DCLK2: variants seen among roughly 807,000 people sequenced by gnomAD.
The protein encoded by DCLK2 is doublecortin like kinase 2, also known as serine/threonine-protein kinase DCLK2.
DCLK2 carries 31 observed loss-of-function variants against 78.4 expected under a neutral mutation model. That is an observed-to-expected ratio of 0.40 (90% confidence interval 0.30 to 0.53). The LOEUF is 0.53. DCLK2 is among the 20% of genes least tolerant of loss of function. DCLK2 has a pLI of 0.61. For missense variants in DCLK2, 872 were observed against 973.7 expected (o/e 0.90, Z 1.39); for synonymous variants, 407 against 374.9 (o/e 1.09, Z -0.99).
intron 2 of DCLK2, among the ~76,000 whole-genome samples, chr4:150,113,231 T>C (rs1317841041): frequency 6.6e-6 from 1 of 152,196 alleles, no homozygotes; most frequent in African/African-American, 2.4e-5. Flanking sequence ...TTTTCTAGTT[T>C]GGGTATCAGG....
chr4:150,090,527 A>T (rs1197831547), intron 1 of DCLK2, among the ~76,000 whole-genome samples: 1 of 102,978 alleles, frequency 9.7e-6, no homozygotes, highest in East Asian at 3.2e-4. Flanking sequence ...GAGCAAAAAA[A>T]CCAGATCACA....
chr4:150,124,128 CATTTA>C (rs1370495403), intron 2 of DCLK2, among the ~76,000 whole-genome samples: 2 of 152,054 alleles, frequency 1.3e-5, no homozygotes, highest in Non-Finnish European at 2.9e-5. Flanking sequence ...ATTTTTAGGA[CATTTA>C]ATTGTAGTGT....
intron 14 of DCLK2, 82 bp from the exon 15 acceptor site, chr4:150,249,486 G>A (rs553184189): frequency 3.7e-5 from 43 of 1,147,222 alleles, no homozygotes; most frequent in South Asian, 3.0e-4. Context: ...TGGTTGAGGC[G>A]GGGAGGGGGA....
At chr4:150,081,778 G>A (rs1361975986) in intron 1 of DCLK2, among the ~76,000 whole-genome samples, 1 of 150,856 alleles carries the variant, frequency 6.6e-6, no homozygotes, top group Non-Finnish European at 1.5e-5. Context: ...GATCACCTGA[G>A]GTCAGGAGTT....
chr4:150,216,043 A>G (rs552789404), intron 5 of DCLK2, among the ~76,000 whole-genome samples: 2 of 152,350 alleles, frequency 1.3e-5, no homozygotes, highest in Admixed American at 1.3e-4. Flanking sequence ...CAAGTCAACA[A>G]TAATATGCCA....
intron 1 of DCLK2, among the ~76,000 whole-genome samples, chr4:150,097,407 C>T (rs996923237): frequency 2.0e-5 from 3 of 152,114 alleles, no homozygotes; most frequent in Non-Finnish European, 4.4e-5. Context: ...AAATGATCTG[C>T]CCACCTTGGC....
At position 150,187,803 on chromosome 4, in the gene DCLK2, C is replaced by CTT. The variant is rs11415812; in HGVS notation, c.757-5321_757-5320dup. ...CGACATGTTTTGTTTCTCAGTTGTA[C>CTT]TTTTTTTTTTTTTTTGTGACAGAGT... On this transcript the variant is annotated intron_variant, in intron 2 of 15. Coordinates refer to ENST00000296550, the MANE Select transcript of DCLK2 (RefSeq NM_001040260.4). Among the ~76,000 whole-genome samples the CTT allele has an allele frequency of 5.3e-3, 728 of 137,552 alleles. 18 individuals are homozygous for CTT. The highest frequency in any genetic ancestry group is 0.043 in the East Asian group (197 of 4,618). The allele number at this position is 137,552 out of a possible 152,430, so 90.2% of individuals were successfully genotyped here.
At chr4:150,253,799 G>T in intron 15 of DCLK2, 1 of 985,468 alleles carries the variant, frequency 1.0e-6, no homozygotes, top group Non-Finnish European at 1.2e-6. Context: ...CACGGGAGGA[G>T]TCCCATAGTT....
chr4:150,085,179 A>AACTACTACATTCT (rs778654537), intron 1 of DCLK2, among the ~76,000 whole-genome samples: 1 of 152,166 alleles, frequency 6.6e-6, no homozygotes, highest in African/African-American at 2.4e-5. Flanking sequence ...CTGTGTTCTT[A>AACTACTACATTCT]ACTACTACAT....
intron 15 of DCLK2, among the ~76,000 whole-genome samples, chr4:150,252,448 A>G (rs569415927): frequency 5.3e-5 from 8 of 152,294 alleles, no homozygotes; most frequent in African/African-American, 1.4e-4. Context: ...GAAGGGAGTC[A>G]TTGCTGGGGT....
At chr4:150,083,228 G>A (rs984356740) in intron 1 of DCLK2, among the ~76,000 whole-genome samples, 3 of 152,190 alleles carry the variant, frequency 2.0e-5, no homozygotes, top group Non-Finnish European at 4.4e-5. Context: ...CTCTGATGAA[G>A]TGCTTGCCAA....
chr4:150,171,283 A>G (rs1736510903), intron 2 of DCLK2, among the ~76,000 whole-genome samples: 1 of 152,198 alleles, frequency 6.6e-6, no homozygotes, highest in African/African-American at 2.4e-5. Context: ...GATTGAGACC[A>G]TCCTGGCTAA....
intron 2 of DCLK2, among the ~76,000 whole-genome samples, chr4:150,104,285 G>A (rs115778517): frequency 0.015 from 2,275 of 151,090 alleles, 59 homozygotes; most frequent in African/African-American, 0.052. Context: ...CTACTTGGGA[G>A]GCTGAAGTGG....
At chr4:150,244,192 C>T (rs1158696968) in intron 12 of DCLK2, among the ~76,000 whole-genome samples, 2 of 152,176 alleles carry the variant, frequency 1.3e-5, no homozygotes, top group African/African-American at 4.8e-5. Context: ...ACTCCAGCCT[C>T]TCAAAGTGTT....
intron 5 of DCLK2, among the ~76,000 whole-genome samples, chr4:150,209,128 T>C (rs1253217142): frequency 2.0e-5 from 3 of 152,218 alleles, no homozygotes; most frequent in African/African-American, 7.2e-5. Flanking sequence ...ACCAAAAATT[T>C]GTAAAATTAG....
intron 5 of DCLK2, among the ~76,000 whole-genome samples, chr4:150,210,542 G>A (rs1740214942): frequency 2.0e-5 from 3 of 152,124 alleles, no homozygotes; most frequent in Non-Finnish European, 4.4e-5. Context: ...GGGAGGCTGA[G>A]GCAGGAGAAT....
At chr4:150,168,520 C>A (rs1428027689) in intron 2 of DCLK2, among the ~76,000 whole-genome samples, 2 of 152,078 alleles carry the variant, frequency 1.3e-5, no homozygotes, top group Non-Finnish European at 2.9e-5. Flanking sequence ...GCCTTATGCC[C>A]CTTAGTTGAA....
chr4:150,200,241 G>A (rs1281170877), intron 4 of DCLK2, among the ~76,000 whole-genome samples: 1 of 152,168 alleles, frequency 6.6e-6, no homozygotes, highest in African/African-American at 2.4e-5. Context: ...GAAAATCGTA[G>A]CATTCTAGTA....
At chr4:150,124,190 C>T (rs928725413) in intron 2 of DCLK2, among the ~76,000 whole-genome samples, 1 of 152,144 alleles carries the variant, frequency 6.6e-6, no homozygotes, top group East Asian at 1.9e-4. Context: ...GCTCTGTAGT[C>T]ATTAGACATT....
Sources: allele counts gnomAD v4.1 joint callset (sites outside exome capture counted in the v4.1 genomes callset), GRCh38; gene constraint gnomAD v4.1.1; transcripts MANE v1.5; gene names NCBI Gene and HGNC (gene_info 2026-07-23, HGNC 2026-07-21).